Variants in ARHGAP12 observed in about 807,000 individuals in gnomAD.
The protein encoded by ARHGAP12 is rho GTPase-activating protein 12.
In ARHGAP12, 64 loss-of-function variants were observed where a neutral mutation model predicts 108.6. That is an observed-to-expected ratio of 0.59 (90% CI 0.48 to 0.73). The LOEUF (loss-of-function observed/expected upper bound fraction) is 0.73, where lower values mean the gene tolerates loss of function less well. ARHGAP12 is among the 30% of genes least tolerant of loss of function. The probability of loss-of-function intolerance (pLI) is 0.00; values close to 1 mark genes in which losing one functional copy is unlikely to be tolerated. For missense variants in ARHGAP12, 940 were observed against 1,005.9 expected (o/e 0.93, Z 0.89); for synonymous variants, 312 against 337.2 (o/e 0.93, Z 0.82).
intron 1 of ARHGAP12, among the ~76,000 whole-genome samples, chr10:31,918,398 CA>C (rs1302147249): frequency 2.6e-5 from 4 of 151,292 alleles, no homozygotes; most frequent in East Asian, 1.9e-4. Flanking sequence ...GGACGGCTAT[CA>C]TTTTTTTTAA....
intron 3 of ARHGAP12, among the ~76,000 whole-genome samples, chr10:31,872,163 T>C (rs759841405): frequency 2.0e-5 from 3 of 152,180 alleles, no homozygotes; most frequent in Non-Finnish European, 4.4e-5. Context: ...AGTTCCTGAG[T>C]GAAAATTATT....
At chr10:31,891,889 T>C (rs2132403574) in intron 3 of ARHGAP12, among the ~76,000 whole-genome samples, 1 of 152,368 alleles carries the variant, frequency 6.6e-6, no homozygotes, top group South Asian at 2.1e-4. Flanking sequence ...CTAAAGCTTG[T>C]GCATTCGTCA....
At chr10:31,845,671 G>C (rs189421362) in intron 6 of ARHGAP12, among the ~76,000 whole-genome samples, 4 of 152,206 alleles carry the variant, frequency 2.6e-5, no homozygotes, top group Non-Finnish European at 5.9e-5. Flanking sequence ...TATAGGCCTA[G>C]CTACTCAAAA....
At chr10:31,902,854 C>CT (rs1328595819) in intron 3 of ARHGAP12, among the ~76,000 whole-genome samples, 2 of 151,818 alleles carry the variant, frequency 1.3e-5, no homozygotes, top group Non-Finnish European at 2.9e-5. Flanking sequence ...TGTGACAGTG[C>CT]TTTTTTTTGG....
chr10:31,821,035 C>T (rs1376522913), intron 11 of ARHGAP12, among the ~76,000 whole-genome samples: 3 of 152,046 alleles, frequency 2.0e-5, no homozygotes, highest in Admixed American at 6.6e-5. Context: ...AGATAACAAG[C>T]GCATTTTCTA....
At chr10:31,894,649 A>AT (rs1838601061) in intron 3 of ARHGAP12, among the ~76,000 whole-genome samples, 2 of 152,356 alleles carry the variant, frequency 1.3e-5, no homozygotes, top group East Asian at 3.9e-4. Context: ...GGAAGAATCA[A>AT]TATCGTGAAA....
intron 3 of ARHGAP12, among the ~76,000 whole-genome samples, chr10:31,898,945 A>G (rs751007824): frequency 1.3e-5 from 2 of 152,278 alleles, no homozygotes; most frequent in East Asian, 1.9e-4. Context: ...AAATGCTCCA[A>G]AAGTGGCAGA....
At chr10:31,894,310 C>T (rs1175712006) in intron 3 of ARHGAP12, among the ~76,000 whole-genome samples, 6 of 152,222 alleles carry the variant, frequency 3.9e-5, no homozygotes, top group South Asian at 2.1e-4. Flanking sequence ...GTCAAATTGT[C>T]CCTGTTTGCA....
At chr10:31,873,370 TTCC>T (rs1479076963) in intron 3 of ARHGAP12, among the ~76,000 whole-genome samples, 4 of 152,232 alleles carry the variant, frequency 2.6e-5, no homozygotes, top group African/African-American at 9.6e-5. Flanking sequence ...ATCCAAATTA[TTCC>T]AAACATTCTC....
chr10:31,873,048 G>A (rs1837601568), intron 3 of ARHGAP12, among the ~76,000 whole-genome samples: 1 of 152,080 alleles, frequency 6.6e-6, no homozygotes, highest in Non-Finnish European at 1.5e-5. Flanking sequence ...TGTGCATCTA[G>A]AGCATCAGTA....
chr10:31,820,025 G>GATATCCC (rs1201357870), intron 12 of ARHGAP12, among the ~76,000 whole-genome samples: 1 of 151,132 alleles, frequency 6.6e-6, no homozygotes, highest in African/African-American at 2.4e-5. Flanking sequence ...AAGATATAGA[G>GATATCCC]ATATCCCATA....
At chr10:31,818,071 T>C (rs1056099415) in intron 12 of ARHGAP12, among the ~76,000 whole-genome samples, 185 bp from the exon 13 acceptor site, 3 of 152,114 alleles carry the variant, frequency 2.0e-5, no homozygotes, top group Non-Finnish European at 2.9e-5. Flanking sequence ...ATAATATCAG[T>C]TGAATAAAAA....
In ARHGAP12 at chr10:31,826,317, C is replaced by T. The variant is rs1156502856; in HGVS notation, c.1517G>A (p.Ser506Asn). The change falls in exon 11 of 20, where the codon AGT becomes AAT. Residue 506 changes from serine (S) to asparagine (N), a missense_variant. Coordinates refer to ENST00000344936, the MANE Select transcript of ARHGAP12 (RefSeq NM_018287.7). Reference sequence around the variant, plus strand: ...AGAAATACTTACCCAACTTGTGCTACTTCCTTGAGTTTTGGTAAAAAGTAA... The same window carrying T: ...AGAAATACTTACCCAACTTGTGCTATTTCCTTGAGTTTTGGTAAAAAGTAA... ...SSLLFTKTQG[S>N]STSWFGSNQS... is the part of the protein sequence containing the mutation. The T allele has an allele frequency of 6.2e-7, 1 of 1,611,440 alleles. No individual in the cohort carries two copies. Among genetic ancestry groups the T allele is most frequent in the Non-Finnish European group, 8.5e-7 (1 of 1,178,642 alleles).
intron 3 of ARHGAP12, among the ~76,000 whole-genome samples, chr10:31,889,351 A>G (rs967955517): frequency 2.6e-5 from 4 of 152,232 alleles, no homozygotes; most frequent in African/African-American, 9.6e-5. Flanking sequence ...TGATTAAATA[A>G]TGCTCTGCCA....
intron 6 of ARHGAP12, 114 bp from the exon 7 acceptor site, chr10:31,843,700 T>C: frequency 8.2e-7 from 1 of 1,219,506 alleles, no homozygotes; most frequent in South Asian, 1.7e-5. Context: ...AAGTTCATTA[T>C]ATGACATCTC....
intron 3 of ARHGAP12, among the ~76,000 whole-genome samples, chr10:31,894,413 A>G (rs1838588923): frequency 6.6e-6 from 1 of 152,140 alleles, no homozygotes; most frequent in Admixed American, 6.5e-5. Flanking sequence ...CAGGATACAA[A>G]ATCAATGTGC....
At chr10:31,815,632 C>T (rs1463516972) in intron 13 of ARHGAP12, among the ~76,000 whole-genome samples, 1 of 152,162 alleles carries the variant, frequency 6.6e-6, no homozygotes, top group Non-Finnish European at 1.5e-5. Flanking sequence ...AAATGAGATT[C>T]AAAAATCTCG....
intron 3 of ARHGAP12, among the ~76,000 whole-genome samples, chr10:31,888,413 T>C (rs750494980): frequency 2.0e-5 from 3 of 152,134 alleles, no homozygotes; most frequent in Non-Finnish European, 4.4e-5. Context: ...AAAGAAAAAA[T>C]AGATACTCTA....
rs1592234353 is a variant in ARHGAP12 at position 31,806,236 on chromosome 10, T to C, written c.*1422A>G. On this transcript the variant is annotated 3_prime_UTR_variant, in exon 20 of 20. Transcript: ENST00000344936. Reference sequence around the variant, plus strand: ...ATTCAGTTGATTTTTAAAAATGAGGTATAACAGTATGCCAGTAAATGAAAA... The same window carrying C: ...ATTCAGTTGATTTTTAAAAATGAGGCATAACAGTATGCCAGTAAATGAAAA... 1 of 152,148 alleles carries C rather than the reference T, an allele frequency of 6.6e-6. No homozygotes were observed. The highest frequency in any genetic ancestry group is 1.9e-4 in the East Asian group (1 of 5,196). 9.4% of individuals were successfully genotyped at this position (152,148 alleles called of 1,614,324 possible).
Sources: allele counts gnomAD v4.1 joint callset (sites outside exome capture counted in the v4.1 genomes callset), GRCh38; gene constraint gnomAD v4.1.1; transcripts MANE v1.5; gene names NCBI Gene and HGNC (gene_info 2026-07-23, HGNC 2026-07-21).